The following AGBL4 variants were observed in gnomAD, a reference collection of about 807,000 sequenced individuals.
The protein encoded by AGBL4 is cytosolic carboxypeptidase 6.
Under a neutral mutation model 66.4 loss-of-function variants are expected in AGBL4, and 58 were observed. The observed-to-expected ratio is 0.87, with a 90% CI of 0.71 to 1.09. The LOEUF (loss-of-function observed/expected upper bound fraction) is 1.09. Ranked by LOEUF, AGBL4 falls within the 50% of genes least tolerant of loss-of-function variation. The pLI, the probability that AGBL4 is intolerant of heterozygous loss-of-function variation, is 0.00. For missense variants in AGBL4, 579 were observed against 631.0 expected, an observed-to-expected ratio of 0.92 and a Z score of 0.88; for synonymous variants, 234 against 222.9, an observed-to-expected ratio of 1.05 and a Z score of -0.44.
At chr1:48,881,339 G>A (rs917653571) in intron 5 of AGBL4, among the ~76,000 whole-genome samples, 3 of 152,154 alleles carry the variant, frequency 2.0e-5, no homozygotes, top group African/African-American at 7.2e-5. Context: ...GATTTAGTGG[G>A]TTTGAAGTTT....
intron 2 of AGBL4, among the ~76,000 whole-genome samples, chr1:49,760,203 T>C (rs1052197222): frequency 2.6e-5 from 4 of 152,200 alleles, no homozygotes; most frequent in Admixed American, 1.3e-4. Flanking sequence ...TAGACCTTTA[T>C]CAGATGGGTA....
In AGBL4 at chr1:48,825,760, A is replaced by T. The variant is rs796225811; in HGVS notation, c.634+41431T>A. Among the ~76,000 whole-genome samples, 43 of 152,332 alleles carry T rather than the reference A, an allele frequency of 2.8e-4. 1 individual carries two copies. The highest frequency in any genetic ancestry group is 9.9e-4 in the African/African-American group (41 of 41,564). On this transcript the variant is annotated intron_variant, in intron 6 of 13. Coordinates refer to ENST00000371839, the MANE Select transcript of AGBL4 (RefSeq NM_032785.4). ...TATGCAAGTACCAAGTGAAAAACTC[A>T]GAGCATCTAAGAGATAAAAATGGAA... is the stretch of plus-strand genomic sequence containing the variant.
chr1:48,653,031 G>A (rs769391127), intron 8 of AGBL4, among the ~76,000 whole-genome samples: 1 of 152,092 alleles, frequency 6.6e-6, no homozygotes, highest in Non-Finnish European at 1.5e-5. Flanking sequence ...GAGAAACTGA[G>A]CCCAGAGAGG....
chr1:49,224,445 A>G (rs1297369526), intron 4 of AGBL4, among the ~76,000 whole-genome samples: 1 of 151,696 alleles, frequency 6.6e-6, no homozygotes, highest in African/African-American at 2.4e-5. Context: ...GTGAAACCCC[A>G]ACTCTACTAA....
chr1:49,354,961 C>G (rs1370447587), intron 3 of AGBL4, among the ~76,000 whole-genome samples: 6 of 152,136 alleles, frequency 3.9e-5, no homozygotes, highest in Non-Finnish European at 8.8e-5. Flanking sequence ...CATTCCACTG[C>G]AGGGCACACA....
chr1:49,948,514 A>T (rs1157840238), intron 1 of AGBL4, among the ~76,000 whole-genome samples: 2 of 95,850 alleles, frequency 2.1e-5, no homozygotes, highest in Admixed American at 1.3e-4. Context: ...TAAATATATA[A>T]AAATATAAAT....
intron 4 of AGBL4, among the ~76,000 whole-genome samples, chr1:49,238,883 C>T (rs1650997261): frequency 6.6e-6 from 1 of 152,132 alleles, no homozygotes; most frequent in Non-Finnish European, 1.5e-5. Context: ...AAAAAGGAAA[C>T]CCACAGAACT....
At chr1:49,598,929 C>T (rs1226820468) in intron 3 of AGBL4, among the ~76,000 whole-genome samples, 1 of 152,140 alleles carries the variant, frequency 6.6e-6, no homozygotes, top group Non-Finnish European at 1.5e-5. Context: ...GTTGAACCAG[C>T]CTTGCATCCC....
chr1:48,924,615 C>T (rs894299241), intron 5 of AGBL4, among the ~76,000 whole-genome samples: 16 of 152,082 alleles, frequency 1.1e-4, no homozygotes, highest in African/African-American at 3.4e-4. Flanking sequence ...ATTCAGGAGA[C>T]ATAAAGCCAA....
chr1:49,916,617 C>A (rs1274719830), intron 1 of AGBL4, among the ~76,000 whole-genome samples: 1 of 152,152 alleles, frequency 6.6e-6, no homozygotes, highest in Non-Finnish European at 1.5e-5. Flanking sequence ...ATTGGTATAC[C>A]TGAAAGTGAC....
chr1:49,503,319 G>A (rs2148767592), intron 3 of AGBL4, among the ~76,000 whole-genome samples: 1 of 152,314 alleles, frequency 6.6e-6, no homozygotes, highest in African/African-American at 2.4e-5. Context: ...ACACCTGGAT[G>A]TCCAGGCAAA....
intron 6 of AGBL4, among the ~76,000 whole-genome samples, chr1:48,860,223 A>C (rs990435161): frequency 6.6e-6 from 1 of 152,230 alleles, no homozygotes; most frequent in African/African-American, 2.4e-5. Flanking sequence ...AAGAAACTGT[A>C]GTTGAACTTC....
At chr1:49,714,593 T>TATATATATACAC (rs1491300456) in intron 2 of AGBL4, among the ~76,000 whole-genome samples, 17 of 113,984 alleles carry the variant, frequency 1.5e-4, no homozygotes, top group African/African-American at 5.4e-4. Flanking sequence ...TATATATATA[T>TATATATATACAC]ACACACACAC....
At chr1:49,072,514 T>C (rs1310496816) in intron 4 of AGBL4, among the ~76,000 whole-genome samples, 1 of 152,204 alleles carries the variant, frequency 6.6e-6, no homozygotes, top group Non-Finnish European at 1.5e-5. Flanking sequence ...TTAGTTTGGC[T>C]AGATATGAAA....
chr1:48,533,712 G>A lies in AGBL4; in HGVS notation c.*461C>T. 2 of 187,324 alleles carry A rather than the reference G, an allele frequency of 1.1e-5. No individual in the cohort carries two copies. Among genetic ancestry groups the A allele is most frequent in the Non-Finnish European group, 2.2e-5 (2 of 90,706 alleles). The allele number at this position is 187,324 out of a possible 1,614,324, so 11.6% of individuals were successfully genotyped here. Reference sequence around the variant, plus strand: ...GGATGCATTTGCCCTTTGGTTGCATGTGTTGTTGCTGTTGTTTTGGATCAG... The same window carrying A: ...GGATGCATTTGCCCTTTGGTTGCATATGTTGTTGCTGTTGTTTTGGATCAG... On this transcript the variant is annotated 3_prime_UTR_variant, in exon 14 of 14. Coordinates refer to ENST00000371839, the MANE Select transcript of AGBL4 (RefSeq NM_032785.4).
At chr1:48,656,210 C>T (rs1646017851) in intron 7 of AGBL4, among the ~76,000 whole-genome samples, 2 of 152,232 alleles carry the variant, frequency 1.3e-5, no homozygotes, top group South Asian at 4.1e-4. Context: ...TGCCCTGTCC[C>T]AGCTTCCAAC....
At chr1:48,794,163 G>A (rs1475675597) in intron 6 of AGBL4, among the ~76,000 whole-genome samples, 4 of 152,186 alleles carry the variant, frequency 2.6e-5, no homozygotes, top group African/African-American at 9.7e-5. Flanking sequence ...AGTTAGTGGG[G>A]TGTGACAAAA....
In AGBL4 at chr1:49,875,878, G is replaced by A. The variant is rs940552444; in HGVS notation, c.35-24360C>T. Among the ~76,000 whole-genome samples the A allele has an allele frequency of 1.9e-3, 278 of 149,634 alleles. 1 individual carries two copies. Among genetic ancestry groups the A allele is most frequent in the Middle Eastern group, 6.9e-3 (2 of 290 alleles). On this transcript the variant is annotated intron_variant, in intron 1 of 13. Transcript: ENST00000371839. ...CTGGTGTGAGATGATATCTCATTGCGGTTTTGATTTGCATTTCTCTGATGG... is the reference window on the plus strand; with the variant it reads ...CTGGTGTGAGATGATATCTCATTGCAGTTTTGATTTGCATTTCTCTGATGG...
At chr1:49,118,123 C>T (rs1255097143) in intron 4 of AGBL4, among the ~76,000 whole-genome samples, 6 of 152,116 alleles carry the variant, frequency 3.9e-5, no homozygotes, top group East Asian at 3.9e-4. Flanking sequence ...TGGGCTGAGA[C>T]GATGGGGTTT....
Sources: allele counts gnomAD v4.1 joint callset (sites outside exome capture counted in the v4.1 genomes callset), GRCh38; gene constraint gnomAD v4.1.1; transcripts MANE v1.5; gene names NCBI Gene and HGNC (gene_info 2026-07-23, HGNC 2026-07-21).